ANKRD30B: variants seen among roughly 807,000 people sequenced by gnomAD.
The protein encoded by ANKRD30B is ankyrin repeat domain-containing protein 30B.
Under a neutral mutation model 202.2 loss-of-function variants are expected in ANKRD30B, and 144 were observed. That is an observed-to-expected ratio of 0.71 (90% CI 0.62 to 0.82). The LOEUF (loss-of-function observed/expected upper bound fraction) is 0.82, where lower values mean the gene tolerates loss of function less well. Among genes scored for constraint, ANKRD30B ranks in the 40% least tolerant of loss-of-function variants. The pLI, the probability that ANKRD30B is intolerant of heterozygous loss-of-function variation, is 0.00. For synonymous variants in ANKRD30B, 508 were observed against 561.3 expected (o/e 0.91, Z 1.34); for missense variants, 1,487 against 1,669.1 (o/e 0.89, Z 1.90).
rs187162016 is a variant in ANKRD30B, at chr18:14,810,430, A to G, written c.2488+250A>G. On this transcript the variant is annotated intron_variant, in intron 28 of 43. Coordinates refer to ENST00000690538, the MANE Select transcript of ANKRD30B (RefSeq NM_001367607.2). ...AATATCCCGATAGTGTAAAGTTTCC[A>G]ATTTGCAATTTCTGTACGTGCTCAG... is the stretch of plus-strand genomic sequence containing the variant. Among the ~76,000 whole-genome samples the G allele has an allele frequency of 2.4e-4, 37 of 151,336 alleles. No individual in the cohort carries two copies. In the East Asian group the frequency reaches 6.6e-3, roughly 27 times the overall value.
rs561138061 is a variant in ANKRD30B, at chr18:14,810,034, T to C, written c.2415+20T>C. 5.9e-5 allele frequency: 86 copies of C among 1,450,878 alleles called. 2 individuals carry two copies. In the South Asian group the frequency reaches 8.6e-4, roughly 15 times the overall value. The allele number at this position is 1,450,878 out of a possible 1,614,324, so 89.9% of individuals were successfully genotyped here. On this transcript the variant is annotated intron_variant, in intron 27 of 43. Transcript: ENST00000690538. The stretch of plus-strand genomic sequence containing the variant: ...CTGAAGGTAATAACTTTTATATTTT[T>C]ATCTTGAATATTACCTACATATTTT...
chr18:14,914,368 C>T, the ANKRD30B span, among the ~76,000 whole-genome samples: 77,431 of 151,940 alleles, frequency 0.51, 19,991 homozygotes, highest in African/African-American at 0.55. Flanking sequence ...ATCCACTGCT[C>T]CTGCTACTGA....
Position 14,837,191 on chromosome 18 carries a change from C to A in ANKRD30B, c.2848-20C>A. On this transcript the variant is annotated intron_variant, in intron 34 of 43. Transcript: ENST00000690538. ...GAAGTTTTTTTTTTGTGTTTGCTTT[C>A]TGTGTTTTGTTTGTAATAGGAGGGA... The A allele has an allele frequency of 6.8e-7, 1 of 1,474,374 alleles. No homozygotes were observed. Among genetic ancestry groups the A allele is most frequent in the Non-Finnish European group, 9.1e-7 (1 of 1,101,716 alleles). 91.3% of individuals were successfully genotyped at this position (1,474,374 alleles called of 1,614,324 possible).
chr18:14,805,549 C>G (rs1285720774), intron 24 of ANKRD30B, among the ~76,000 whole-genome samples: 1 of 150,192 alleles, frequency 6.7e-6, no homozygotes, highest in Admixed American at 6.6e-5. Flanking sequence ...AGTATATATC[C>G]AAGCTGATCA....
At chr18:14,882,787 C>T in the ANKRD30B span, among the ~76,000 whole-genome samples, 2 of 151,930 alleles carry the variant, frequency 1.3e-5, no homozygotes, top group Admixed American at 1.3e-4. Context: ...TTGGGAGCTC[C>T]AGTGTTAGGT....
At chr18:14,757,438 C>G (rs1914545220) in intron 4 of ANKRD30B, among the ~76,000 whole-genome samples, 1 of 152,154 alleles carries the variant, frequency 6.6e-6, no homozygotes, top group Admixed American at 6.5e-5. Context: ...ATCATTATTC[C>G]TAATATTGTT....
At chr18:14,787,788 A>G (rs1460146270) in intron 15 of ANKRD30B, among the ~76,000 whole-genome samples, 1 of 152,218 alleles carries the variant, frequency 6.6e-6, no homozygotes, top group Non-Finnish European at 1.5e-5. Flanking sequence ...CTGTGGAAAG[A>G]CATAGAAAGT....
chr18:14,828,686 C>T (rs921636354), intron 33 of ANKRD30B, among the ~76,000 whole-genome samples: 3 of 152,168 alleles, frequency 2.0e-5, no homozygotes, highest in Non-Finnish European at 4.4e-5. Flanking sequence ...TTCACAAAGT[C>T]ACATTTTGTT....
At chr18:14,915,112 C>T in the ANKRD30B span, among the ~76,000 whole-genome samples, 19 of 152,106 alleles carry the variant, frequency 1.2e-4, no homozygotes, top group Non-Finnish European at 2.6e-4. Context: ...TCTCCATGCT[C>T]CCCCCACTAT....
chr18:14,826,693 T>TCTCTCTCACACA lies in ANKRD30B; in HGVS notation c.2744-1584_2744-1583insTCTCTCACACAC, dbSNP rs762792279. Among the ~76,000 whole-genome samples the TCTCTCTCACACA allele has an allele frequency of 2.9e-3, 365 of 125,030 alleles. 4 individuals carry two copies. The highest frequency in any genetic ancestry group is 2.2e-3 in the Non-Finnish European group (132 of 60,276). 82.0% of individuals were successfully genotyped at this position (125,030 alleles called of 152,430 possible). On this transcript the variant is annotated intron_variant, in intron 32 of 43. Coordinates refer to ENST00000690538, the MANE Select transcript of ANKRD30B (RefSeq NM_001367607.2). ...CTCTCTCCCCCTCTCTCTCTCTCTC[T>TCTCTCTCACACA]CACACACACACACACACACACACAC...
At chr18:14,780,185 C>G (rs1165891547) in intron 11 of ANKRD30B, among the ~76,000 whole-genome samples, 164 bp downstream of exon 11, 2 of 152,168 alleles carry the variant, frequency 1.3e-5, no homozygotes, top group Non-Finnish European at 2.9e-5. Flanking sequence ...TAACTCATGC[C>G]TGTAATGCCA....
At chr18:14,910,845 T>C in the ANKRD30B span, among the ~76,000 whole-genome samples, 918 of 152,316 alleles carry the variant, frequency 6.0e-3, 7 homozygotes, top group Non-Finnish European at 8.1e-3. Context: ...TGGTATCTTA[T>C]TGTGGTTTCC....
At chr18:14,888,879 A>C in the ANKRD30B span, 1 of 1,054,496 alleles carries the variant, frequency 9.5e-7, no homozygotes, top group Non-Finnish European at 1.4e-6. Context: ...TTGAAGTTAC[A>C]ATCTTCATTG....
rs1196386921 is a variant in ANKRD30B at position 14,851,979 on chromosome 18, T to C, written c.4035T>C (p.Asn1345=). 2 of 1,600,456 alleles carry C rather than the reference T, an allele frequency of 1.2e-6. No homozygotes were observed. Among genetic ancestry groups the C allele is most frequent in the East Asian group, 2.3e-5 (1 of 44,338 alleles). The stretch of plus-strand genomic sequence containing the variant: ...ATGTGAGTAATACAATATATAACAA[T>C]GAGGTGCTCCATCAACCACTTTATG... ...NVDVSNTIYN[N]EVLHQPLYEA... Residue 1345 remains asparagine, a synonymous_variant, in exon 42 of 44, where the codon AAT becomes AAC. Coordinates refer to ENST00000690538, the MANE Select transcript of ANKRD30B (RefSeq NM_001367607.2).
chr18:14,782,707 C>A, intron 12 of ANKRD30B, 93 bp downstream of exon 12: 1 of 696,294 alleles, frequency 1.4e-6, no homozygotes, highest in East Asian at 3.1e-5. Context: ...ATAAAATTAC[C>A]CACTAAATAC....
Position 14,808,561 on chromosome 18 carries a change from T to A in ANKRD30B, c.2295T>A (p.Asp765Glu), listed in dbSNP as rs529031740. The stretch of plus-strand genomic sequence containing the variant: ...TCCCTTTTCTTTTAGAGTCTCCTGA[T>A]AAAGATGGTCTTCTGAAGGTAATTA... ...TLSGKLEESP[D>E]KDGLLKPTCG... The change falls in exon 25 of 44, where the codon GAT becomes GAA. Residue 765 changes from aspartate to glutamate, a missense_variant. Transcript: ENST00000690538. The A allele has an allele frequency of 2.3e-4, 354 of 1,528,224 alleles. 17 individuals carry two copies. In the African/African-American group the frequency reaches 4.2e-3, roughly 18 times the overall value. 94.7% of individuals were successfully genotyped at this position (1,528,224 alleles called of 1,614,324 possible). A position where few individuals can be genotyped will look rare whatever the true frequency, so the allele number is the denominator to read the frequency against.
the ANKRD30B span, among the ~76,000 whole-genome samples, chr18:14,892,383 T>C: frequency 6.6e-6 from 1 of 152,294 alleles, no homozygotes; most frequent in South Asian, 2.1e-4. Flanking sequence ...ATTGTCCCAC[T>C]CCCAAAACAT....
At chr18:14,753,932 T>A (rs1598560604) in intron 3 of ANKRD30B, among the ~76,000 whole-genome samples, 2 of 152,244 alleles carry the variant, frequency 1.3e-5, no homozygotes, top group African/African-American at 4.8e-5. Context: ...TTTCCAAAAA[T>A]TAAGTAGCAA....
chr18:14,922,434 T>G, the ANKRD30B span, among the ~76,000 whole-genome samples: 1 of 151,738 alleles, frequency 6.6e-6, no homozygotes, highest in Non-Finnish European at 1.5e-5. Context: ...GGCAGGTGGA[T>G]CAAGAGGTCA....
Sources: allele counts gnomAD v4.1 joint callset (sites outside exome capture counted in the v4.1 genomes callset), GRCh38; gene constraint gnomAD v4.1.1; transcripts MANE v1.5; gene names NCBI Gene and HGNC (gene_info 2026-07-23, HGNC 2026-07-21).